Variants in DCLK1 observed in about 807,000 individuals in gnomAD.
DCLK1 encodes doublecortin like kinase 1.
In DCLK1, 16 loss-of-function variants were observed where a neutral mutation model predicts 86.2. That is an observed-to-expected ratio of 0.19 (90% CI 0.13 to 0.28). The LOEUF is 0.28. Among genes scored for constraint, DCLK1 ranks in the 10% least tolerant of loss-of-function variants. The pLI is 1.00. For synonymous variants in DCLK1, 369 were observed against 370.5 expected, an observed-to-expected ratio of 1.00 and a Z score of 0.05; for missense variants, 590 against 940.2, an observed-to-expected ratio of 0.63 and a Z score of 4.87.
intron 3 of DCLK1, among the ~76,000 whole-genome samples, chr13:35,956,144 A>G (rs971875535): frequency 3.3e-5 from 5 of 152,174 alleles, no homozygotes; most frequent in Admixed American, 2.0e-4. Flanking sequence ...AAAAACTGTG[A>G]CACAGTAGTT....
At chr13:36,086,751 G>A (rs1392030116) in intron 3 of DCLK1, among the ~76,000 whole-genome samples, 1 of 152,112 alleles carries the variant, frequency 6.6e-6, no homozygotes, top group Non-Finnish European at 1.5e-5. Context: ...TTAGTTTGCT[G>A]AGAATGATGG....
chr13:35,794,707 C>T (rs567237038), intron 15 of DCLK1, among the ~76,000 whole-genome samples: 13 of 152,352 alleles, frequency 8.5e-5, no homozygotes, highest in African/African-American at 2.9e-4. Context: ...TAACTTGGGT[C>T]TAACGGGCCT....
At chr13:36,014,400 T>G (rs1487926941) in intron 3 of DCLK1, among the ~76,000 whole-genome samples, 1 of 152,270 alleles carries the variant, frequency 6.6e-6, no homozygotes, top group Non-Finnish European at 1.5e-5. Context: ...AGCAACTTTT[T>G]TGTTGCCTTT....
intron 3 of DCLK1, among the ~76,000 whole-genome samples, chr13:36,014,387 G>C (rs555483187): frequency 6.6e-6 from 1 of 152,326 alleles, no homozygotes; most frequent in East Asian, 1.9e-4. Context: ...TTATATTTCA[G>C]AGAGCAACTT....
chr13:36,031,240 A>G (rs958109061), intron 3 of DCLK1, among the ~76,000 whole-genome samples: 2 of 152,072 alleles, frequency 1.3e-5, no homozygotes, highest in African/African-American at 4.8e-5. Context: ...ATCAAACTGG[A>G]TAATTCCATT....
chr13:35,854,301 A>T (rs1870889477), intron 6 of DCLK1, among the ~76,000 whole-genome samples, 198 bp downstream of exon 6: 1 of 152,230 alleles, frequency 6.6e-6, no homozygotes, highest in South Asian at 2.1e-4. Context: ...TCTCAGAGTT[A>T]AGATTTGGAC....
chr13:36,101,290 C>T (rs569554991), intron 3 of DCLK1, among the ~76,000 whole-genome samples: 107 of 152,196 alleles, frequency 7.0e-4, no homozygotes, highest in Non-Finnish European at 1.4e-3. Flanking sequence ...ATTCTCCATA[C>T]AGGAAGCCAT....
At chr13:36,043,324 T>TA (rs1882759556) in intron 3 of DCLK1, among the ~76,000 whole-genome samples, 2 of 151,302 alleles carry the variant, frequency 1.3e-5, no homozygotes, top group Non-Finnish European at 2.9e-5. Context: ...TCCTAGAAAT[T>TA]TAAAAAAAAA....
chr13:35,990,537 T>C (rs1456169665), intron 3 of DCLK1, among the ~76,000 whole-genome samples: 1 of 152,140 alleles, frequency 6.6e-6, no homozygotes, highest in Non-Finnish European at 1.5e-5. Context: ...CCCAGCCTTC[T>C]CTGAACTTGC....
chr13:35,949,140 A>C (rs545933153), intron 3 of DCLK1, among the ~76,000 whole-genome samples: 1 of 152,230 alleles, frequency 6.6e-6, no homozygotes, highest in African/African-American at 2.4e-5. Flanking sequence ...TTAACCCAAA[A>C]GAGGAGTATC....
intron 11 of DCLK1, among the ~76,000 whole-genome samples, chr13:35,822,293 A>AC (rs1455062922): frequency 6.6e-6 from 1 of 151,970 alleles, no homozygotes; most frequent in African/African-American, 2.4e-5. Context: ...AGCTGGGACT[A>AC]CAGGCACACA....
At chr13:36,126,249 A>C in intron 1 of DCLK1, 93 bp from the exon 2 acceptor site, 3 of 1,091,820 alleles carry the variant, frequency 2.7e-6, no homozygotes, top group Non-Finnish European at 1.2e-6. Flanking sequence ...TATGTTAGGG[A>C]CAGGGTCCTG....
At chr13:36,124,005 G>A (rs2138216134) in intron 2 of DCLK1, among the ~76,000 whole-genome samples, 1 of 152,270 alleles carries the variant, frequency 6.6e-6, no homozygotes, top group Non-Finnish European at 1.5e-5. Context: ...TTTCTGGGTG[G>A]GAAACTGATT....
intron 4 of DCLK1, among the ~76,000 whole-genome samples, chr13:35,944,447 G>T (rs1461060259): frequency 6.6e-6 from 1 of 152,134 alleles, no homozygotes; most frequent in Non-Finnish European, 1.5e-5. Flanking sequence ...CACTTAGCAA[G>T]TACAGATAAG....
chr13:35,774,599 G>A lies in DCLK1; in HGVS notation c.2159C>T (p.Ser720Leu), dbSNP rs369449567. The stretch of plus-strand genomic sequence containing the variant: ...GCTTGGGGAGTAGTCTTCCGATTCC[G>A]AGTTGAGTTCGGGAGGAGCTGGCTG... ...KAQPAPPELN[S>L]ESEDYSPSSS... is the part of the protein sequence containing the mutation. Residue 720 changes from serine (S) to leucine (L), a missense_variant, in exon 17 of 17, where the codon TCG becomes TTG. Ser to Leu is a moderately radical substitution (Grantham distance 145). This residue lies in a region of DCLK1 where 146 missense variants were observed against 190.2 expected (regional missense o/e 0.77). Transcript: ENST00000360631. 3.8e-6 allele frequency: 6 copies of A among 1,589,232 alleles called. No homozygotes were observed. Among genetic ancestry groups the A allele is most frequent in the South Asian group, 1.1e-5 (1 of 87,634 alleles).
At chr13:36,053,744 G>C (rs1883204780) in intron 3 of DCLK1, among the ~76,000 whole-genome samples, 1 of 152,004 alleles carries the variant, frequency 6.6e-6, no homozygotes, top group Middle Eastern at 3.2e-3. Context: ...TCAGATAAGA[G>C]GAACACCTCA....
chr13:35,809,124 G>A (rs2087091871), intron 12 of DCLK1, 29 bp from the exon 13 acceptor site: 1 of 1,594,976 alleles, frequency 6.3e-7, no homozygotes, highest in Admixed American at 1.7e-5. Flanking sequence ...TTAGAGTTAG[G>A]AGGGTCAGGC....
At chr13:36,124,937 G>T (rs1429607072) in intron 2 of DCLK1, among the ~76,000 whole-genome samples, 2 of 152,162 alleles carry the variant, frequency 1.3e-5, no homozygotes, top group Non-Finnish European at 2.9e-5. Flanking sequence ...AATTGGCGAT[G>T]ATTTCTAAGG....
In DCLK1 at chr13:35,839,549, G is replaced by A. The variant is rs796331284; in HGVS notation, c.1036-373C>T. 6.6e-5 allele frequency among the ~76,000 whole-genome samples: 10 copies of A among 152,208 alleles called. No homozygotes were observed. The South Asian group carries it at 1.9e-3, about 28-fold the overall frequency. ...TGGCCCTCAAATGTGGCACTATACT[G>A]ATCCCATCCACTATTTTTTCTATTT... On this transcript the variant is annotated intron_variant, in intron 6 of 16. Coordinates refer to ENST00000360631, the MANE Select transcript of DCLK1 (RefSeq NM_001330071.2).
Sources: gnomAD v4.1 joint callset for allele counts (sites outside exome capture counted in the v4.1 genomes callset) on GRCh38, gnomAD v4.1.1 for gene constraint, gnomAD v4.1.1 regional missense constraint, MANE v1.5 for transcripts, NCBI Gene and HGNC (gene_info 2026-07-23, HGNC 2026-07-21) for gene names.